Variants in VCF1 observed in about 807,000 individuals in gnomAD.
The protein encoded by VCF1 is VCP nuclear cofactor family member 1, also known as protein VCF1.
At chr17:73,225,543 C>T in the VCF1 span, among the ~76,000 whole-genome samples, 1 of 151,390 alleles carries the variant, frequency 6.6e-6, no homozygotes, top group South Asian at 2.1e-4. Flanking sequence ...GGGAAAAAAA[C>T]GTTAATACAG....
chr17:73,213,084 A>C, the VCF1 span, among the ~76,000 whole-genome samples: 5 of 151,988 alleles, frequency 3.3e-5, no homozygotes, highest in Non-Finnish European at 5.9e-5. Context: ...TCTCTACTAA[A>C]AATACAAAAA....
chr17:73,215,369 A>C, the VCF1 span, among the ~76,000 whole-genome samples: 3 of 152,052 alleles, frequency 2.0e-5, no homozygotes, highest in African/African-American at 7.2e-5. Context: ...TGAAGCCTTG[A>C]CCTCCCATGC....
the VCF1 span, chr17:73,208,331 C>T: frequency 1.2e-6 from 2 of 1,614,000 alleles, no homozygotes; most frequent in Non-Finnish European, 1.7e-6. Flanking sequence ...CCCCGGCACG[C>T]TCCACAGCTG....
the VCF1 span, among the ~76,000 whole-genome samples, chr17:73,219,191 C>CAAAAAAAAA: frequency 2.4e-5 from 1 of 41,868 alleles, no homozygotes; most frequent in Non-Finnish European, 4.4e-5. Flanking sequence ...AACTCCGTCT[C>CAAAAAAAAA]AAAAAAAAAA....
chr17:73,229,508 G>A, the VCF1 span: 61 of 985,218 alleles, frequency 6.2e-5, no homozygotes, highest in Non-Finnish European at 6.9e-5. Context: ...ATTCCATCAC[G>A]TTGCATTATT....
chr17:73,207,441 A>T, the VCF1 span: 1 of 723,582 alleles, frequency 1.4e-6, no homozygotes, highest in East Asian at 2.8e-5. Context: ...AGAAGGTGTA[A>T]AAGATGCCCG....
the VCF1 span, chr17:73,207,932 T>C: frequency 8.4e-7 from 1 of 1,190,542 alleles, no homozygotes; most frequent in Non-Finnish European, 1.1e-6. Flanking sequence ...GAGATGGTAG[T>C]TTAAAAAAAA....
chr17:73,231,603 A>G, the VCF1 span, among the ~76,000 whole-genome samples: 1 of 152,192 alleles, frequency 6.6e-6, no homozygotes, highest in Non-Finnish European at 1.5e-5. Flanking sequence ...CGTTCAGGGC[A>G]CAAGTTCTTC....
the VCF1 span, among the ~76,000 whole-genome samples, chr17:73,220,545 T>C: frequency 5.5e-5 from 8 of 146,602 alleles, no homozygotes; most frequent in African/African-American, 1.9e-4. Flanking sequence ...CCTAGGTTCA[T>C]GTGATTCTCC....
the VCF1 span, among the ~76,000 whole-genome samples, chr17:73,219,480 T>C: frequency 6.6e-6 from 1 of 150,942 alleles, no homozygotes; most frequent in Non-Finnish European, 1.5e-5. Flanking sequence ...GAACCCCGTC[T>C]CTACTAAAAA....
At chr17:73,232,137 G>A in the VCF1 span, 4 of 1,609,904 alleles carry the variant, frequency 2.5e-6, no homozygotes, top group African/African-American at 1.3e-5. Flanking sequence ...GCTACGCGGC[G>A]CCGCTCCGCG....
At chr17:73,227,560 T>C in the VCF1 span, 1 of 874,726 alleles carries the variant, frequency 1.1e-6, no homozygotes, top group African/African-American at 1.8e-5. Context: ...AAGAGGTTAA[T>C]GACTAAGCTT....
chr17:73,229,372 A>AT, the VCF1 span: 1 of 985,450 alleles, frequency 1.0e-6, no homozygotes, highest in Non-Finnish European at 1.2e-6. Flanking sequence ...TCAGATTACA[A>AT]TTTTTGGCAT....
chr17:73,228,937 C>G, the VCF1 span, among the ~76,000 whole-genome samples: 1 of 152,180 alleles, frequency 6.6e-6, no homozygotes, highest in Middle Eastern at 3.2e-3. Context: ...GGGCTTTGGG[C>G]TGCTGAGTCA....
the VCF1 span, chr17:73,231,978 G>A: frequency 2.4e-6 from 3 of 1,246,816 alleles, no homozygotes; most frequent in Non-Finnish European, 2.2e-6. Flanking sequence ...ACCCCACAGG[G>A]AGCCCCGCCG....
chr17:73,221,694 GC>G, the VCF1 span, among the ~76,000 whole-genome samples: 2 of 152,134 alleles, frequency 1.3e-5, no homozygotes, highest in African/African-American at 4.8e-5. Context: ...TTCAAGATCA[GC>G]CTGGACAACA....
At chr17:73,221,932 G>C in the VCF1 span, among the ~76,000 whole-genome samples, 1 of 151,376 alleles carries the variant, frequency 6.6e-6, no homozygotes, top group Admixed American at 6.6e-5. Context: ...TACTCGGGAG[G>C]CTGAGGCAGG....
At chr17:73,208,452 C>T in the VCF1 span, 5 of 1,613,962 alleles carry the variant, frequency 3.1e-6, no homozygotes, top group Non-Finnish European at 4.2e-6. Context: ...GACTAAGTAA[C>T]ATGGCAACAC....
chr17:73,219,404 C>A, the VCF1 span, among the ~76,000 whole-genome samples: 1 of 151,464 alleles, frequency 6.6e-6, no homozygotes, highest in Admixed American at 6.6e-5. Flanking sequence ...TAATCCCAGT[C>A]CTCTGGAGGC....
Sources: gnomAD v4.1 joint callset for allele counts (sites outside exome capture counted in the v4.1 genomes callset) on GRCh38, gnomAD v4.1.1 for gene constraint, MANE v1.5 for transcripts, NCBI Gene and HGNC (gene_info 2026-07-23, HGNC 2026-07-21) for gene names.